DDR1: variants seen among roughly 807,000 people sequenced by gnomAD.
DDR1 encodes epithelial discoidin domain-containing receptor 1.
Under a neutral mutation model 97.4 loss-of-function variants are expected in DDR1, and 64 were observed. The observed-to-expected ratio is 0.66, with a 90% CI of 0.54 to 0.81. The LOEUF is 0.81. DDR1 is among the 30% of genes least tolerant of loss of function. The pLI is 0.00. For synonymous variants in DDR1, 458 were observed against 503.7 expected, an observed-to-expected ratio of 0.91 and a Z score of 1.21; for missense variants, 990 against 1,259.6, an observed-to-expected ratio of 0.79 and a Z score of 3.24.
rs1211723697 is a variant in DDR1, at chr6:30,888,890, T to C, written c.86-18T>C. ...GAGTTGGGGGCCTTGACCTGTTACA[T>C]GCCTGCTTTTTACTCAGCCAAGTGC... On this transcript the variant is annotated intron_variant, in intron 2 of 17. Coordinates refer to ENST00000376568, the MANE Select transcript of DDR1 (RefSeq NM_001297654.2). This position sits in a 1 kb window ranked among gnomAD's most constrained non-coding sequence, Gnocchi z 4.2. The C allele has an allele frequency of 6.2e-7, 1 of 1,612,966 alleles. No homozygotes were observed. Among genetic ancestry groups the C allele is most frequent in the Non-Finnish European group, 8.5e-7 (1 of 1,179,994 alleles).
At position 30,895,480 on chromosome 6, in the gene DDR1, C is replaced by G. The variant is rs749479553; in HGVS notation, c.1590C>G (p.Pro530=). ...YARPPRGPGP[P]TPAWAKPTNT... Reference sequence around the variant, plus strand: ...GTCCCCCTCGAGGCCCGGGCCCCCCCACACCCGCCTGGGCCAAACCCACCA... The same window carrying G: ...GTCCCCCTCGAGGCCCGGGCCCCCCGACACCCGCCTGGGCCAAACCCACCA... Residue 530 remains proline (P), a synonymous_variant, in exon 12 of 18, where the codon CCC becomes CCG. Transcript: ENST00000376568. 8 of 1,605,198 alleles carry G rather than the reference C, an allele frequency of 5.0e-6. No homozygotes were observed. In the South Asian group the frequency reaches 5.5e-5, roughly 11 times the overall value.
Position 30,891,826 on chromosome 6 carries a change from G to T in DDR1, c.666-176G>T, listed in dbSNP as rs911951710. Among the ~76,000 whole-genome samples, 3 of 152,146 alleles carry T rather than the reference G, an allele frequency of 2.0e-5. No individual in the cohort carries two copies. The highest frequency in any genetic ancestry group is 6.5e-5 in the Admixed American group (1 of 15,284). ...TGCAAGGTACCTGTAGTGCTGGGGT[G>T]GGGTGGAGAGAGGAGAAGGGCCAGC... On this transcript the variant is annotated intron_variant, in intron 6 of 17. Transcript: ENST00000376568. This position sits in a 1 kb window ranked among gnomAD's most constrained non-coding sequence, Gnocchi z 5.3.
In DDR1 at chr6:30,894,875, G is replaced by A. The variant is rs888289056; in HGVS notation, c.1513+204G>A. 3.9e-5 allele frequency among the ~76,000 whole-genome samples: 6 copies of A among 151,952 alleles called. No homozygotes were observed. The highest frequency in any genetic ancestry group is 4.8e-5 in the African/African-American group (2 of 41,326). ...CCCCATGTATTACCCATAGTCCCCC[G>A]TGGTGCTATCTTGTCTGTGTCCCAC... On this transcript the variant is annotated intron_variant, in intron 11 of 17. Transcript: ENST00000376568. This position sits in a 1 kb window ranked among gnomAD's most constrained non-coding sequence, Gnocchi z 5.7.
Position 30,886,504 on chromosome 6 carries a change from T to G in DDR1, c.-43+1794T>G, listed in dbSNP as rs1330317662. Among the ~76,000 whole-genome samples the G allele has an allele frequency of 1.3e-5, 2 of 152,196 alleles. No individual in the cohort carries two copies. The highest frequency in any genetic ancestry group is 4.8e-5 in the African/African-American group (2 of 41,442). On this transcript the variant is annotated intron_variant, in intron 1 of 17. Coordinates refer to ENST00000376568, the MANE Select transcript of DDR1 (RefSeq NM_001297654.2). The surrounding 1 kb of genome is among the most constrained non-coding windows in gnomAD (Gnocchi z 4.6). ...GAGCTCTGGGGTCTCAGCTGCCTCT[T>G]ACATTCCTGCCCTAGTGCATTGTGG...
rs1582033241 is a variant in DDR1 at position 30,889,535 on chromosome 6, C to T, written c.417+105C>T. The T allele has an allele frequency of 2.5e-6, 2 of 791,898 alleles. No homozygotes were observed. The highest frequency in any genetic ancestry group is 5.8e-5 in the East Asian group (2 of 34,260). The allele number at this position is 791,898 out of a possible 1,614,324, so 49.1% of individuals were successfully genotyped here. A position where few individuals can be genotyped will look rare whatever the true frequency, so the allele number is the denominator to read the frequency against. On this transcript the variant is annotated intron_variant, in intron 4 of 17. Transcript: ENST00000376568. The surrounding 1 kb of genome is among the most constrained non-coding windows in gnomAD (Gnocchi z 4.9). Reference sequence around the variant, plus strand: ...GACGACTCTCCAGTTTATATCATCTCCAGACTAAGCCTCTCAGCTGAGCTC... The same window carrying T: ...GACGACTCTCCAGTTTATATCATCTTCAGACTAAGCCTCTCAGCTGAGCTC...
In DDR1 at chr6:30,891,475, G is replaced by A; in HGVS notation, c.661G>A (p.Gly221Ser). The A allele has an allele frequency of 6.2e-7, 1 of 1,612,566 alleles. No individual in the cohort carries two copies. The highest frequency in any genetic ancestry group is 8.5e-7 in the Non-Finnish European group (1 of 1,179,750). Residue 221 changes from glycine (G) to serine (S), a missense_variant, in exon 6 of 18, where the codon GGC becomes AGC. Coordinates refer to ENST00000376568, the MANE Select transcript of DDR1 (RefSeq NM_001297654.2). The surrounding 1 kb of genome is among the most constrained non-coding windows in gnomAD (Gnocchi z 5.3). ...NDSTYDGHTV[G>S]GLQYGGLGQL... ...CTCCACCTATGACGGACATACCGTG[G>A]GCGGGTAAGAAAGGCCCCTGCAGGA... is the stretch of plus-strand genomic sequence containing the variant.
intron 1 of DDR1, chr6:30,885,589 C>T (rs1785493869): frequency 1.4e-6 from 2 of 1,398,826 alleles, no homozygotes. Context: ...CTTTTGGTCA[C>T]AGGAGCATGT....
At chr6:30,896,889 TCTGGCCCTATTGTGTG>T in intron 13 of DDR1, 24 bp downstream of exon 13, 16 of 1,561,770 alleles carry the variant, frequency 1.0e-5, no homozygotes, top group Non-Finnish European at 1.3e-5. Context: ...CTACCCAGTG[TCTGGCCCTATTGTGTG>T]CTCTGATGCC....
intron 15 of DDR1, 22 bp from the exon 16 acceptor site, chr6:30,898,051 C>T (rs780627939): frequency 1.3e-6 from 2 of 1,595,056 alleles, no homozygotes; most frequent in Non-Finnish European, 8.6e-7. Flanking sequence ...CCCCAGTGAC[C>T]TTCTGTCGGT....
Position 30,895,464 on chromosome 6 carries a change from G to T in DDR1, c.1574G>T (p.Arg525Leu). 1 of 1,606,314 alleles carries T rather than the reference G, an allele frequency of 6.2e-7. No homozygotes were observed. The highest frequency in any genetic ancestry group is 2.2e-5 in the East Asian group (1 of 44,540). ...LLLATYARPP[R>L]GPGPPTPAWA... ...CTGGCCACTTACGCCCGTCCCCCTC[G>T]AGGCCCGGGCCCCCCCACACCCGCC... The change falls in exon 12 of 18, where the codon CGA becomes CTA. Residue 525 changes from arginine (R) to leucine (L), a missense_variant. Transcript: ENST00000376568.
intron 12 of DDR1, among the ~76,000 whole-genome samples, chr6:30,895,723 G>C (rs753388469): frequency 7.2e-5 from 11 of 152,190 alleles, no homozygotes; most frequent in Non-Finnish European, 1.2e-4. Flanking sequence ...GGAGTAGAAA[G>C]CTTACTGGTC....
At position 30,886,410 on chromosome 6, in the gene DDR1, G is replaced by A. The variant is rs1289351912; in HGVS notation, c.-43+1700G>A. Among the ~76,000 whole-genome samples, 2 of 152,170 alleles carry A rather than the reference G, an allele frequency of 1.3e-5. No individual in the cohort carries two copies. The highest frequency in any genetic ancestry group is 4.8e-5 in the African/African-American group (2 of 41,434). On this transcript the variant is annotated intron_variant, in intron 1 of 17. Coordinates refer to ENST00000376568, the MANE Select transcript of DDR1 (RefSeq NM_001297654.2). This position sits in a 1 kb window ranked among gnomAD's most constrained non-coding sequence, Gnocchi z 4.6. Reference sequence around the variant, plus strand: ...GGCGCTGGACCCTAAGGGACCAGGCGTGATGCCTTCTGGTTCTAGCCTCTG... The same window carrying A: ...GGCGCTGGACCCTAAGGGACCAGGCATGATGCCTTCTGGTTCTAGCCTCTG...
In DDR1 at chr6:30,889,355, C is replaced by A; in HGVS notation, c.342C>A (p.Phe114Leu). 6.2e-7 allele frequency: 1 copy of A among 1,610,058 alleles called. No homozygotes were observed. Among genetic ancestry groups the A allele is most frequent in the Non-Finnish European group, 8.5e-7 (1 of 1,178,424 alleles). ...GRHAGGLGKEFSRSYRLRYSR... is the reference protein window; with the variant it reads ...GRHAGGLGKELSRSYRLRYSR... ...ATGCCGGGGGCCTGGGCAAGGAGTT[C>A]TCCCGGAGCTACCGGCTGCGTTACT... is the stretch of plus-strand genomic sequence containing the variant. The change falls in exon 4 of 18, where the codon TTC (phenylalanine) becomes TTA (leucine). Residue 114 changes from phenylalanine to leucine, a missense_variant. Transcript: ENST00000376568. The surrounding 1 kb of genome is among the most constrained non-coding windows in gnomAD (Gnocchi z 4.9).
Position 30,893,064 on chromosome 6 carries a change from C to T in DDR1, c.1100-4C>T, listed in dbSNP as rs553526036. 13 of 1,611,516 alleles carry T rather than the reference C, an allele frequency of 8.1e-6. No individual in the cohort carries two copies. Among genetic ancestry groups the T allele is most frequent in the Non-Finnish European group, 9.3e-6 (11 of 1,179,056 alleles). ...CCTCCTTTCTTTTTGTTCCTTCTCC[C>T]CAGATGTGGTGAACAATTCCTCTCC... is the stretch of plus-strand genomic sequence containing the variant. On this transcript the variant is annotated splice_region_variant and splice_polypyrimidine_tract_variant and intron_variant, in intron 8 of 17. Coordinates refer to ENST00000376568, the MANE Select transcript of DDR1 (RefSeq NM_001297654.2).
At chr6:30,893,508 G>C in intron 10 of DDR1, 85 bp downstream of exon 10, 2 of 1,500,970 alleles carry the variant, frequency 1.3e-6, no homozygotes, top group Non-Finnish European at 1.8e-6. Flanking sequence ...GCAGGGCACA[G>C]CCCACTAGCA....
rs1786026403 is a variant in DDR1 at position 30,886,807 on chromosome 6, C to G, written c.-42-1881C>G. ...TCAGGACTCCAGGGCCTGGAGACTT[C>G]AGTACAGGGCTCTGAGACCAGTACA... is the stretch of plus-strand genomic sequence containing the variant. On this transcript the variant is annotated intron_variant, in intron 1 of 17. Coordinates refer to ENST00000376568, the MANE Select transcript of DDR1 (RefSeq NM_001297654.2). This position sits in a 1 kb window ranked among gnomAD's most constrained non-coding sequence, Gnocchi z 4.6. 2 of 152,198 alleles carry G rather than the reference C, an allele frequency of 1.3e-5. No individual in the cohort carries two copies. The highest frequency in any genetic ancestry group is 4.1e-4 in the South Asian group (2 of 4,820). 9.4% of individuals were successfully genotyped at this position (152,198 alleles called of 1,614,324 possible). A position where few individuals can be genotyped will look rare whatever the true frequency, so the allele number is the denominator to read the frequency against.
At position 30,900,054 on chromosome 6, in the gene DDR1, G is replaced by C; in HGVS notation, c.*758G>C. On this transcript the variant is annotated 3_prime_UTR_variant, in exon 18 of 18. Coordinates refer to ENST00000376568, the MANE Select transcript of DDR1 (RefSeq NM_001297654.2). Reference sequence around the variant, plus strand: ...AATCACTTGGGGTTTGTACATTTTTGGGGGGAGAGACACAGATTTTTACAC... The same window carrying C: ...AATCACTTGGGGTTTGTACATTTTTCGGGGGAGAGACACAGATTTTTACAC... The C allele has an allele frequency of 1.7e-6, 1 of 596,198 alleles. No homozygotes were observed. The highest frequency in any genetic ancestry group is 3.3e-6 in the Non-Finnish European group (1 of 307,552). The allele number at this position is 596,198 out of a possible 1,614,324, so 36.9% of individuals were successfully genotyped here. A position where few individuals can be genotyped will look rare whatever the true frequency, so the allele number is the denominator to read the frequency against.
chr6:30,893,560 T>G, intron 10 of DDR1, 137 bp downstream of exon 10: 4 of 1,438,158 alleles, frequency 2.8e-6, no homozygotes, highest in Non-Finnish European at 2.7e-6. Context: ...TTACACCATG[T>G]CAAAGAGGGT....
In DDR1 at chr6:30,894,813, A is replaced by T; in HGVS notation, c.1513+142A>T. The T allele has an allele frequency of 1.1e-6, 1 of 906,668 alleles. No individual in the cohort carries two copies. Among genetic ancestry groups the T allele is most frequent in the Non-Finnish European group, 1.6e-6 (1 of 633,272 alleles). The allele number at this position is 906,668 out of a possible 1,614,324, so 56.2% of individuals were successfully genotyped here. On this transcript the variant is annotated intron_variant, in intron 11 of 17. Transcript: ENST00000376568. The surrounding 1 kb of genome is among the most constrained non-coding windows in gnomAD (Gnocchi z 5.7). ...TGTGCCCCTGGTTACTGTCTATATCACTCTTTGTCCCTACCATGTAGTCTC... is the reference window on the plus strand; with the variant it reads ...TGTGCCCCTGGTTACTGTCTATATCTCTCTTTGTCCCTACCATGTAGTCTC...
Sources: gnomAD v4.1 joint callset for allele counts (sites outside exome capture counted in the v4.1 genomes callset) on GRCh38, gnomAD v4.1.1 for gene constraint, Gnocchi (gnomAD v3.1) non-coding constraint, MANE v1.5 for transcripts, NCBI Gene and HGNC (gene_info 2026-07-23, HGNC 2026-07-21) for gene names.